The following OPCML variants were observed in gnomAD, a reference collection of about 807,000 sequenced individuals.
OPCML encodes the protein opioid binding protein/cell adhesion molecule like, also known as opioid-binding protein/cell adhesion molecule.
A neutral mutation model predicts 37.8 loss-of-function variants in OPCML; 13 were observed. The observed-to-expected ratio is 0.34, with a 90% confidence interval of 0.22 to 0.55. OPCML has a LOEUF of 0.55. Ranked by LOEUF, OPCML falls within the 20% of genes least tolerant of loss-of-function variation. The pLI is 0.91. For missense variants in OPCML, 341 were observed against 435.6 expected (o/e 0.78, Z 1.93); for synonymous variants, 176 against 168.8 (o/e 1.04, Z -0.33).
intron 1 of OPCML, among the ~76,000 whole-genome samples, chr11:133,462,941 C>G (rs764465540): frequency 6.6e-6 from 1 of 151,912 alleles, no homozygotes; most frequent in Non-Finnish European, 1.5e-5. Flanking sequence ...CAGGTGTCCG[C>G]TGATGAATAA....
intron 1 of OPCML, among the ~76,000 whole-genome samples, chr11:133,526,780 A>G (rs4373945): frequency 0.034 from 5,176 of 152,264 alleles, 103 homozygotes; most frequent in South Asian, 0.06. Flanking sequence ...GTCTCCCACC[A>G]ACAGCATAAA....
intron 3 of OPCML, among the ~76,000 whole-genome samples, chr11:132,640,896 C>A (rs761312121): frequency 6.6e-5 from 10 of 152,282 alleles, no homozygotes; most frequent in South Asian, 2.1e-4. Context: ...CATGACATGA[C>A]CATCAGGGCA....
At chr11:133,405,643 C>T (rs749781784) in intron 1 of OPCML, among the ~76,000 whole-genome samples, 2 of 152,108 alleles carry the variant, frequency 1.3e-5, no homozygotes, top group East Asian at 1.9e-4. Flanking sequence ...CTGGCTCTAG[C>T]GCTGGGGGAA....
chr11:133,093,227 C>A (rs1004166333), intron 1 of OPCML, among the ~76,000 whole-genome samples: 4 of 151,796 alleles, frequency 2.6e-5, no homozygotes, highest in African/African-American at 4.8e-5. Context: ...GCCAACCCCC[C>A]CAACCTTTCC....
chr11:133,109,458 A>C (rs1012257407), intron 1 of OPCML, among the ~76,000 whole-genome samples: 1 of 151,974 alleles, frequency 6.6e-6, no homozygotes, highest in African/African-American at 2.4e-5. Context: ...TACTTTTAGG[A>C]TCCTGATGAT....
chr11:133,113,986 G>A (rs998172894), intron 1 of OPCML, among the ~76,000 whole-genome samples: 2 of 152,204 alleles, frequency 1.3e-5, no homozygotes, highest in African/African-American at 2.4e-5. Flanking sequence ...TTGGGAAGAC[G>A]CTATGATTAC....
intron 3 of OPCML, among the ~76,000 whole-genome samples, chr11:132,619,125 C>T (rs1565716798): frequency 6.6e-6 from 1 of 152,102 alleles, no homozygotes; most frequent in East Asian, 1.9e-4. Flanking sequence ...AAACACCTCC[C>T]CTCCAGGTTC....
At chr11:132,505,673 G>A (rs1212496868) in intron 4 of OPCML, among the ~76,000 whole-genome samples, 1 of 152,156 alleles carries the variant, frequency 6.6e-6, no homozygotes, top group African/African-American at 2.4e-5. Context: ...TATCAGATGT[G>A]AGGCTTCAAA....
chr11:133,115,171 C>T (rs753413355), intron 1 of OPCML, among the ~76,000 whole-genome samples: 2 of 152,200 alleles, frequency 1.3e-5, no homozygotes, highest in Non-Finnish European at 2.9e-5. Flanking sequence ...AGCTCTGAGC[C>T]GCTCAGCAAA....
At chr11:133,261,238 T>G (rs1941486085) in intron 1 of OPCML, among the ~76,000 whole-genome samples, 1 of 152,226 alleles carries the variant, frequency 6.6e-6, no homozygotes, top group African/African-American at 2.4e-5. Context: ...GGCCACCTCT[T>G]GGATCTTCGA....
chr11:132,599,480 GA>G (rs1434230598), intron 3 of OPCML, among the ~76,000 whole-genome samples: 1 of 151,590 alleles, frequency 6.6e-6, no homozygotes, highest in Non-Finnish European at 1.5e-5. Flanking sequence ...AGGAGAAGAG[GA>G]AAGAAAAAGA....
chr11:133,127,931 A>G (rs1949541952), intron 1 of OPCML, among the ~76,000 whole-genome samples: 1 of 152,052 alleles, frequency 6.6e-6, no homozygotes, highest in African/African-American at 2.4e-5. Flanking sequence ...AGACGGGATG[A>G]TTATGCGCTT....
At chr11:132,532,615 G>C (rs527599164) in intron 3 of OPCML, among the ~76,000 whole-genome samples, 3 of 152,176 alleles carry the variant, frequency 2.0e-5, no homozygotes, top group Non-Finnish European at 4.4e-5. Flanking sequence ...GTTTATTGTT[G>C]ATCAATTCCC....
chr11:132,528,242 A>G (rs2096313927), intron 4 of OPCML, among the ~76,000 whole-genome samples: 1 of 148,308 alleles, frequency 6.7e-6, no homozygotes, highest in Non-Finnish European at 1.5e-5. Context: ...TTGTAGATCA[A>G]TATTATTTTT....
chr11:132,491,393 G>A lies in OPCML; in HGVS notation c.505+37668C>T, dbSNP rs371588202. ...CCCATTGCTTATCTTCTAGGCACAG[G>A]GGTCCCCTTGCTCTTTCCCGAGAGT... On this transcript the variant is annotated intron_variant, in intron 4 of 7. Coordinates refer to ENST00000524381, the MANE Select transcript of OPCML (RefSeq NM_001012393.5). Among the ~76,000 whole-genome samples, 7 of 152,198 alleles carry A rather than the reference G, an allele frequency of 4.6e-5. No individual in the cohort carries two copies. The East Asian group carries it at 7.7e-4, about 17-fold the overall frequency.
intron 1 of OPCML, among the ~76,000 whole-genome samples, chr11:133,434,118 A>T (rs1649370781): frequency 6.6e-6 from 1 of 152,110 alleles, no homozygotes; most frequent in African/African-American, 2.4e-5. Context: ...AAAGGAAAGC[A>T]TTTTTTTGTA....
At chr11:132,539,002 T>C (rs985568641) in intron 3 of OPCML, among the ~76,000 whole-genome samples, 1 of 152,234 alleles carries the variant, frequency 6.6e-6, no homozygotes, top group African/African-American at 2.4e-5. Context: ...TATGTCTGTG[T>C]TCCATGACAA....
chr11:132,494,304 T>C (rs182060022), intron 4 of OPCML, among the ~76,000 whole-genome samples: 72 of 152,364 alleles, frequency 4.7e-4, no homozygotes, highest in Non-Finnish European at 9.3e-4. Flanking sequence ...ATTACCTCTT[T>C]AAAAATAGAT....
intron 1 of OPCML, among the ~76,000 whole-genome samples, chr11:133,410,527 A>G (rs1297225249): frequency 6.7e-6 from 1 of 149,838 alleles, no homozygotes; most frequent in Non-Finnish European, 1.5e-5. Flanking sequence ...ATAGCATGCT[A>G]TGGTTTCCTT....
Sources: gnomAD v4.1 joint callset for allele counts (sites outside exome capture counted in the v4.1 genomes callset) on GRCh38, gnomAD v4.1.1 for gene constraint, MANE v1.5 for transcripts, NCBI Gene and HGNC (gene_info 2026-07-23, HGNC 2026-07-21) for gene names.